Variants in LMF1 observed in about 807,000 individuals in gnomAD.
The protein encoded by LMF1 is transmembrane protein 112.
In LMF1, 68 loss-of-function variants were observed where a neutral mutation model predicts 60.6. The observed-to-expected ratio is 1.12, with a 90% CI of 0.92 to 1.37. The LOEUF is 1.37. Among genes scored for constraint, LMF1 ranks in the 40% most tolerant of loss-of-function variants. LMF1 has a pLI of 0.00. For missense variants in LMF1, 948 were observed against 767.2 expected, an observed-to-expected ratio of 1.24 and a Z score of -2.78; for synonymous variants, 418 against 324.7, an observed-to-expected ratio of 1.29 and a Z score of -3.09.
At chr16:896,516 C>G (rs139222884) in intron 4 of LMF1, among the ~76,000 whole-genome samples, 2 of 152,186 alleles carry the variant, frequency 1.3e-5, no homozygotes, top group Admixed American at 1.3e-4. Flanking sequence ...ACAAAAGCAC[C>G]GGAGACTGTT....
intron 6 of LMF1, chr16:873,424 G>A (rs1375095889): frequency 6.6e-6 from 1 of 152,330 alleles, no homozygotes; most frequent in Non-Finnish European, 1.5e-5. Context: ...GGAGCTTGAG[G>A]TGATGGAATC....
chr16:957,723 G>C (rs924439875), intron 1 of LMF1, among the ~76,000 whole-genome samples: 11 of 152,186 alleles, frequency 7.2e-5, no homozygotes, highest in African/African-American at 2.2e-4. Context: ...GCGCAGTATT[G>C]ATTAAGGAAG....
chr16:909,379 C>A lies in LMF1; in HGVS notation c.663+1552G>T, dbSNP rs142085246. On this transcript the variant is annotated intron_variant, in intron 4 of 10. Coordinates refer to ENST00000262301, the MANE Select transcript of LMF1 (RefSeq NM_022773.4). ...GGGAACACACGGTGAGGAATGGGCC[C>A]AGACAGCCCCTCACAGTGCACCAAA... 4.7e-3 allele frequency among the ~76,000 whole-genome samples: 720 copies of A among 152,286 alleles called. 7 individuals are homozygous for A. Among genetic ancestry groups the A allele is most frequent in the African/African-American group, 0.016 (672 of 41,540 alleles).
At chr16:979,701 G>A (rs771938435) in intron 1 of LMF1, 9 of 454,054 alleles carry the variant, frequency 2.0e-5, no homozygotes, top group Non-Finnish European at 3.1e-5. Context: ...CTTTGGCAAA[G>A]AGAGCTCTCC....
rs2070013662 is a variant in LMF1, at chr16:877,103, G to A, written c.897+2467C>T. Among the ~76,000 whole-genome samples the A allele has an allele frequency of 3.3e-5, 5 of 152,330 alleles. No homozygotes were observed. The South Asian group carries it at 1.0e-3, about 32-fold the overall frequency. ...TCACGGCACTTTAGGAGGTCAGGCAGGAGGAGTGCTCGAGCCCTGGAGTTC... is the reference window on the plus strand; with the variant it reads ...TCACGGCACTTTAGGAGGTCAGGCAAGAGGAGTGCTCGAGCCCTGGAGTTC... On this transcript the variant is annotated intron_variant, in intron 6 of 10. Coordinates refer to ENST00000262301, the MANE Select transcript of LMF1 (RefSeq NM_022773.4).
chr16:881,096 G>A (rs897678903), intron 5 of LMF1, among the ~76,000 whole-genome samples: 3 of 152,208 alleles, frequency 2.0e-5, no homozygotes, highest in Non-Finnish European at 4.4e-5. Context: ...CGTGGAAGTC[G>A]GGGCCCCCAG....
At chr16:974,635 C>T (rs145589445), upstream of LMF1, among the ~76,000 whole-genome samples, 49 of 152,344 alleles carry the variant, frequency 3.2e-4, no homozygotes, top group Non-Finnish European at 5.9e-4. Context: ...CCCGCCGTCC[C>T]GGCCTGCGCC....
chr16:867,566 G>A (rs952231247), intron 10 of LMF1, among the ~76,000 whole-genome samples: 23 of 152,192 alleles, frequency 1.5e-4, no homozygotes, highest in African/African-American at 5.5e-4. Flanking sequence ...GGGAACGGCC[G>A]CCTGTCCGGG....
At chr16:892,813 C>G (rs748955502) in intron 5 of LMF1, among the ~76,000 whole-genome samples, 194 bp downstream of exon 5, 24 of 152,182 alleles carry the variant, frequency 1.6e-4, no homozygotes, top group Non-Finnish European at 2.8e-4. Context: ...GCCACAGACC[C>G]CGTCCCCGCA....
At chr16:915,980 G>C (rs898317098) in intron 3 of LMF1, among the ~76,000 whole-genome samples, 4 of 152,146 alleles carry the variant, frequency 2.6e-5, no homozygotes, top group African/African-American at 9.7e-5. Flanking sequence ...CTCGGAGGGT[G>C]CAGAAGGTGT....
chr16:873,870 C>G (rs1035957597), intron 6 of LMF1: 2 of 152,442 alleles, frequency 1.3e-5, no homozygotes, highest in Non-Finnish European at 2.9e-5. Context: ...CGCATGCAGC[C>G]TTGCAAAGGA....
chr16:878,100 G>A lies in LMF1; in HGVS notation c.897+1470C>T, dbSNP rs960742834. 1.3e-4 allele frequency among the ~76,000 whole-genome samples: 19 copies of A among 151,806 alleles called. No homozygotes were observed. The highest frequency in any genetic ancestry group is 3.4e-4 in the African/African-American group (14 of 41,266). On this transcript the variant is annotated intron_variant, in intron 6 of 10. Coordinates refer to ENST00000262301, the MANE Select transcript of LMF1 (RefSeq NM_022773.4). This position sits in a 1 kb window ranked among gnomAD's most constrained non-coding sequence, Gnocchi z 5.2. ...AGCCCCCAGACGCGCGTGGGGTCCA[G>A]CCACATGGAATCCACTGAAGCTATT...
chr16:921,739 CG>C (rs2071437258), intron 3 of LMF1, among the ~76,000 whole-genome samples: 1 of 152,076 alleles, frequency 6.6e-6, no homozygotes. Context: ...GACGCAGGGA[CG>C]GGGGACACGG....
At chr16:871,594 C>A (rs2069795697) in intron 6 of LMF1, 1 of 520,154 alleles carries the variant, frequency 1.9e-6, no homozygotes, top group Admixed American at 3.4e-5. Context: ...TGTGCAGGTT[C>A]TGTCCCTTGC....
upstream of LMF1, among the ~76,000 whole-genome samples, chr16:972,474 G>A (rs1596180171): frequency 6.6e-6 from 1 of 152,258 alleles, no homozygotes; most frequent in East Asian, 1.9e-4. Context: ...ACCTCTCCTC[G>A]TGACCTGGGG....
At chr16:862,766 G>A (rs1268857681) in intron 10 of LMF1, among the ~76,000 whole-genome samples, 1 of 152,152 alleles carries the variant, frequency 6.6e-6, no homozygotes. Flanking sequence ...GCTGAGGCGG[G>A]AGGATAATTT....
At chr16:975,691 C>T (rs1418033183), upstream of LMF1, 3 of 417,378 alleles carry the variant, frequency 7.2e-6, no homozygotes, top group South Asian at 1.8e-5. Flanking sequence ...CCCTCGTACC[C>T]GCCTGAGGGC....
In LMF1 at chr16:959,658, G is replaced by A. The variant is rs539386430; in HGVS notation, c.194-4992C>T. On this transcript the variant is annotated intron_variant, in intron 1 of 10. Coordinates refer to ENST00000262301, the MANE Select transcript of LMF1 (RefSeq NM_022773.4). ...AGCAACTCCGGAAAATGTTCTGAGTGGAGACCGCAAGGCCAGAAGGAGCTG... is the reference window on the plus strand; with the variant it reads ...AGCAACTCCGGAAAATGTTCTGAGTAGAGACCGCAAGGCCAGAAGGAGCTG... Among the ~76,000 whole-genome samples the A allele has an allele frequency of 1.9e-4, 29 of 152,350 alleles. 1 individual carries two copies. Among genetic ancestry groups the A allele is most frequent in the Admixed American group, 1.6e-3 (25 of 15,302 alleles).
intron 10 of LMF1, chr16:855,272 G>A (rs1305201557): frequency 2.8e-5 from 7 of 250,630 alleles, no homozygotes; most frequent in Admixed American, 5.1e-5. Context: ...TGCCTGAGAC[G>A]TGCAGATGCT....
Sources: allele counts gnomAD v4.1 joint callset (sites outside exome capture counted in the v4.1 genomes callset), GRCh38; gene constraint gnomAD v4.1.1; non-coding constraint Gnocchi (gnomAD v3.1); transcripts MANE v1.5; gene names NCBI Gene and HGNC (gene_info 2026-07-23, HGNC 2026-07-21).